GRM7: variants seen among roughly 807,000 people sequenced by gnomAD.
GRM7 encodes glutamate metabotropic receptor 7, also known as metabotropic glutamate receptor 7.
In GRM7, 35 loss-of-function variants were observed where a neutral mutation model predicts 84.5. The observed-to-expected ratio is 0.41, with a 90% CI of 0.32 to 0.55. GRM7 has a LOEUF of 0.55. Ranked by LOEUF, GRM7 falls within the 20% of genes least tolerant of loss-of-function variation. The probability of loss-of-function intolerance (pLI) is 0.19; values close to 1 mark genes in which losing one functional copy is unlikely to be tolerated. For missense variants in GRM7, 1,003 were observed against 1,194.6 expected (o/e 0.84, Z 2.36); for synonymous variants, 487 against 455.1 (o/e 1.07, Z -0.89).
At chr3:7,425,692 T>C (rs1363951464) in intron 5 of GRM7, among the ~76,000 whole-genome samples, 2 of 152,162 alleles carry the variant, frequency 1.3e-5, no homozygotes, top group Non-Finnish European at 2.9e-5. Context: ...GCTTTTTTAT[T>C]AGAGAAAAAA....
intron 2 of GRM7, among the ~76,000 whole-genome samples, chr3:7,219,265 A>T (rs1461253258): frequency 1.3e-5 from 1 of 74,592 alleles, no homozygotes; most frequent in East Asian, 2.3e-4. Context: ...TTTGGTTCAC[A>T]CGTCTAACCA....
At chr3:7,053,073 TG>T (rs1223004516) in intron 1 of GRM7, among the ~76,000 whole-genome samples, 1 of 148,632 alleles carries the variant, frequency 6.7e-6, no homozygotes, top group African/African-American at 2.5e-5. Flanking sequence ...TTGTTTTTCT[TG>T]GGTTTTTTTT....
At chr3:7,360,173 GAA>G (rs1414220407) in intron 4 of GRM7, among the ~76,000 whole-genome samples, 2 of 144,130 alleles carry the variant, frequency 1.4e-5, no homozygotes, top group African/African-American at 5.3e-5. Flanking sequence ...GTGTGTGTGT[GAA>G]AGAAAATGTG....
chr3:7,401,901 A>C, intron 4 of GRM7, among the ~76,000 whole-genome samples: 1 of 152,188 alleles, frequency 6.6e-6, no homozygotes, highest in East Asian at 1.9e-4. Context: ...GATTTGCCTA[A>C]GGTAAAAAAG....
intron 9 of GRM7, among the ~76,000 whole-genome samples, chr3:7,727,259 G>C (rs1702161573): frequency 6.6e-6 from 1 of 152,036 alleles, no homozygotes; most frequent in African/African-American, 2.4e-5. Flanking sequence ...ATTTAAAATT[G>C]CAAATTATAT....
intron 2 of GRM7, among the ~76,000 whole-genome samples, chr3:7,216,924 G>A (rs146529299): frequency 7.2e-4 from 109 of 152,264 alleles, no homozygotes; most frequent in African/African-American, 2.5e-3. Context: ...TAATGTGATG[G>A]TATTCAGGCA....
chr3:7,653,062 C>T lies in GRM7; in HGVS notation c.2452-26987C>T, dbSNP rs185693787. Among the ~76,000 whole-genome samples the T allele has an allele frequency of 3.3e-5, 5 of 152,148 alleles. No homozygotes were observed. The East Asian group carries it at 7.8e-4, about 24-fold the overall frequency. ...CGCCACATCATTGCTCACATTTCCCCTTTGCAATGAGCTCCTACTCTTACT... is the reference window on the plus strand; with the variant it reads ...CGCCACATCATTGCTCACATTTCCCTTTTGCAATGAGCTCCTACTCTTACT... On this transcript the variant is annotated intron_variant, in intron 8 of 9. Transcript: ENST00000357716.
At chr3:6,884,297 G>C (rs1253458875) in intron 1 of GRM7, 1 of 152,598 alleles carries the variant, frequency 6.6e-6, no homozygotes, top group East Asian at 1.9e-4. Flanking sequence ...GGAAGAAGCT[G>C]CCTCATCAGG....
At chr3:7,397,295 A>T (rs1221110507) in intron 4 of GRM7, among the ~76,000 whole-genome samples, 1 of 152,134 alleles carries the variant, frequency 6.6e-6, no homozygotes, top group Non-Finnish European at 1.5e-5. Flanking sequence ...ATTTACATGA[A>T]TTTTTGCATC....
intron 7 of GRM7, among the ~76,000 whole-genome samples, chr3:7,575,706 T>C (rs1694926604): frequency 6.6e-6 from 1 of 152,232 alleles, no homozygotes; most frequent in African/African-American, 2.4e-5. Context: ...ATTAGACTTC[T>C]GTCCATCTGG....
chr3:7,653,151 T>C (rs1218740040), intron 8 of GRM7, among the ~76,000 whole-genome samples: 6 of 149,232 alleles, frequency 4.0e-5, no homozygotes, highest in Non-Finnish European at 5.9e-5. Flanking sequence ...TTATATTCTA[T>C]AGCACTTTCC....
At chr3:7,302,673 T>C (rs1292939474) in intron 3 of GRM7, among the ~76,000 whole-genome samples, 1 of 152,138 alleles carries the variant, frequency 6.6e-6, no homozygotes, top group African/African-American at 2.4e-5. Flanking sequence ...TCTTTTATCA[T>C]GTATTTAATT....
intron 1 of GRM7, among the ~76,000 whole-genome samples, chr3:6,972,896 C>T (rs942473724): frequency 1.3e-5 from 2 of 152,306 alleles, no homozygotes; most frequent in East Asian, 3.9e-4. Flanking sequence ...CAAGGCATTT[C>T]TTGAGGAATC....
intron 3 of GRM7, among the ~76,000 whole-genome samples, chr3:7,306,132 C>T (rs1002815770): frequency 1.4e-4 from 21 of 152,210 alleles, no homozygotes; most frequent in African/African-American, 4.6e-4. Context: ...CAGCCCCAAG[C>T]CAAAACTCTT....
chr3:7,318,729 G>T (rs1700668592), intron 4 of GRM7, among the ~76,000 whole-genome samples: 1 of 151,998 alleles, frequency 6.6e-6, no homozygotes, highest in Admixed American at 6.6e-5. Flanking sequence ...AAGTTAAAAT[G>T]ACCTTCTTCT....
At chr3:7,403,171 TG>T in intron 4 of GRM7, 1 of 447,350 alleles carries the variant, frequency 2.2e-6, no homozygotes, top group Non-Finnish European at 4.5e-6. Context: ...TGTCATTGCC[TG>T]GAGAAATGGG....
intron 1 of GRM7, among the ~76,000 whole-genome samples, chr3:7,112,644 G>A (rs1268058735): frequency 6.6e-6 from 1 of 152,134 alleles, no homozygotes; most frequent in Non-Finnish European, 1.5e-5. Flanking sequence ...CCCCCACTCG[G>A]TTGTTTTTGT....
At chr3:7,377,944 G>A (rs1431603351) in intron 4 of GRM7, among the ~76,000 whole-genome samples, 1 of 152,158 alleles carries the variant, frequency 6.6e-6, no homozygotes, top group African/African-American at 2.4e-5. Flanking sequence ...CTGACACGGT[G>A]GTTCTCAGTC....
At chr3:6,927,670 TC>T (rs1339004404) in intron 1 of GRM7, among the ~76,000 whole-genome samples, 1 of 152,192 alleles carries the variant, frequency 6.6e-6, no homozygotes, top group African/African-American at 2.4e-5. Flanking sequence ...CATATGTAAA[TC>T]TACTCATTTT....
Sources: allele counts gnomAD v4.1 joint callset (sites outside exome capture counted in the v4.1 genomes callset), GRCh38; gene constraint gnomAD v4.1.1; transcripts MANE v1.5; gene names NCBI Gene and HGNC (gene_info 2026-07-23, HGNC 2026-07-21).